ZNF536: variants seen among roughly 807,000 people sequenced by gnomAD.
ZNF536 encodes the protein zinc finger protein 536.
Under a neutral mutation model 84.5 loss-of-function variants are expected in ZNF536, and 13 were observed. The observed-to-expected ratio is 0.15, with a 90% CI of 0.10 to 0.24. The LOEUF is 0.24. ZNF536 is among the 10% of genes least tolerant of loss of function. The pLI is 1.00. For synonymous variants in ZNF536, 811 were observed against 742.5 expected, an observed-to-expected ratio of 1.09 and a Z score of -1.50; for missense variants, 1,536 against 1,747.5, an observed-to-expected ratio of 0.88 and a Z score of 2.16.
rs1416161837 is a variant in ZNF536, at chr19:30,704,129, C to T, written c.170-6628C>T. ...GCAAGTTCAACTTGGGAGAGGCTATCGCCTTGATGCTCTCTCCAATGGGGA... is the reference window on the plus strand; with the variant it reads ...GCAAGTTCAACTTGGGAGAGGCTATTGCCTTGATGCTCTCTCCAATGGGGA... On this transcript the variant is annotated intron_variant, in intron 1 of 1. Coordinates refer to the ZNF536 transcript ENST00000592773. 1.4e-4 allele frequency among the ~76,000 whole-genome samples: 22 copies of T among 152,294 alleles called. 1 individual carries two copies. In the East Asian group the frequency reaches 4.1e-3, roughly 28 times the overall value.
At chr19:30,606,553 G>T (rs987020012) in intron 1 of ZNF536, among the ~76,000 whole-genome samples, 2 of 152,156 alleles carry the variant, frequency 1.3e-5, no homozygotes, top group Non-Finnish European at 2.9e-5. Flanking sequence ...CCGTTGGGAG[G>T]CCACTTCACC....
intron 1 of ZNF536, among the ~76,000 whole-genome samples, chr19:30,236,538 G>T (rs993484390): frequency 2.0e-5 from 3 of 150,500 alleles, no homozygotes; most frequent in Non-Finnish European, 4.4e-5. Context: ...GCGGGGGGGG[G>T]GTACAATTGG....
intron 1 of ZNF536, among the ~76,000 whole-genome samples, chr19:30,567,580 C>G (rs566370338): frequency 6.6e-6 from 1 of 152,306 alleles, no homozygotes; most frequent in South Asian, 2.1e-4. Flanking sequence ...CCCGAGGAAA[C>G]CTGACCCCCA....
intron 2 of ZNF536, among the ~76,000 whole-genome samples, chr19:30,301,418 G>A (rs559635113): frequency 1.3e-5 from 2 of 152,140 alleles, no homozygotes; most frequent in Admixed American, 1.3e-4. Context: ...GGATGCCCTG[G>A]GTCCCTTCTG....
At position 30,549,177 on chromosome 19, in the gene ZNF536, A is replaced by G. The variant is rs753894562; in HGVS notation, c.3558A>G (p.Glu1186=). ...ENNDEEDVET[E]PEMMTKPLSA... Reference sequence around the variant, plus strand: ...ACGATGAAGAGGATGTTGAAACCGAACCGGAAATGATGACCAAGCCACTGT... The same window carrying G: ...ACGATGAAGAGGATGTTGAAACCGAGCCGGAAATGATGACCAAGCCACTGT... The change falls in exon 4 of 5, where the codon GAA becomes GAG. Residue 1186 remains glutamate (E), a synonymous_variant. Coordinates refer to ENST00000355537, the MANE Select transcript of ZNF536 (RefSeq NM_014717.3). 65 of 1,613,790 alleles carry G rather than the reference A, an allele frequency of 4.0e-5. No homozygotes were observed. The highest frequency in any genetic ancestry group is 1.1e-5 in the South Asian group (1 of 91,086).
At chr19:30,479,365 C>T (rs1314412899) in intron 2 of ZNF536, among the ~76,000 whole-genome samples, 1 of 152,156 alleles carries the variant, frequency 6.6e-6, no homozygotes, top group Admixed American at 6.5e-5. Context: ...GTCCAAATTC[C>T]ACCGGCTGAA....
At chr19:30,294,551 G>A (rs12462258) in intron 2 of ZNF536, among the ~76,000 whole-genome samples, 6 of 59,694 alleles carry the variant, frequency 1.0e-4, no homozygotes, top group East Asian at 1.0e-3. Flanking sequence ...GCCCCAATAT[G>A]TGTGTGTGTG....
chr19:30,444,863 T>C lies in ZNF536; in HGVS notation c.1301T>C (p.Leu434Pro), dbSNP rs1298121928. The C allele has an allele frequency of 6.2e-7, 1 of 1,613,352 alleles. No homozygotes were observed. The highest frequency in any genetic ancestry group is 8.5e-7 in the Non-Finnish European group (1 of 1,179,864). ...CTGTACTCCAGGTACCTCTCCTGCC[T>C]GCAGAGTGGCTTCATGACCCCGGAC... ...ANLYSRYLSC[L>P]QSGFMTPDKA... is the part of the protein sequence containing the mutation. Residue 434 changes from leucine (L) to proline (P), a missense_variant, in exon 2 of 5, where the codon CTG becomes CCG. Around this residue, in one of 8 missense-constraint regions of ZNF536, gnomAD observed 366 missense variants for 364.4 expected, o/e 1.00. Coordinates refer to ENST00000355537, the MANE Select transcript of ZNF536 (RefSeq NM_014717.3).
At chr19:30,502,542 G>A (rs540182866) in intron 2 of ZNF536, among the ~76,000 whole-genome samples, 3 of 152,194 alleles carry the variant, frequency 2.0e-5, no homozygotes, top group South Asian at 2.1e-4. Flanking sequence ...GCAGCCAGGG[G>A]GCTAATGGGA....
At chr19:30,517,211 A>C (rs981543004) in intron 2 of ZNF536, among the ~76,000 whole-genome samples, 13 of 152,236 alleles carry the variant, frequency 8.5e-5, no homozygotes, top group African/African-American at 2.7e-4. Context: ...TCTTCCTCTG[A>C]GTACCTGACC....
At chr19:30,682,601 C>T (rs999352001) in intron 1 of ZNF536, among the ~76,000 whole-genome samples, 1 of 152,196 alleles carries the variant, frequency 6.6e-6, no homozygotes, top group African/African-American at 2.4e-5. Flanking sequence ...TATTAAGTAA[C>T]GTTGGCAGGG....
chr19:30,526,648 C>G lies in ZNF536; in HGVS notation c.2171-8199C>G, dbSNP rs939934339. ...CTGAGGCAGGAGAATGGCGTGAACCCGGGAGGCGGAGCTTGCAGTGAGCCG... is the reference window on the plus strand; with the variant it reads ...CTGAGGCAGGAGAATGGCGTGAACCGGGGAGGCGGAGCTTGCAGTGAGCCG... On this transcript the variant is annotated intron_variant, in intron 2 of 4. Transcript: ENST00000355537. Among the ~76,000 whole-genome samples, 63 of 122,524 alleles carry G rather than the reference C, an allele frequency of 5.1e-4. 3 individuals carry two copies. Among genetic ancestry groups the G allele is most frequent in the African/African-American group, 1.6e-3 (60 of 38,126 alleles). 80.4% of individuals were successfully genotyped at this position (122,524 alleles called of 152,430 possible). A position where few individuals can be genotyped will look rare whatever the true frequency, so the allele number is the denominator to read the frequency against.
intron 1 of ZNF536, among the ~76,000 whole-genome samples, chr19:30,585,877 C>T (rs922327224): frequency 2.0e-5 from 3 of 152,204 alleles, no homozygotes; most frequent in Admixed American, 6.5e-5. Context: ...CTTTCATTGT[C>T]TGTACCACAT....
intron 2 of ZNF536, among the ~76,000 whole-genome samples, chr19:30,289,158 G>C (rs1415491173): frequency 2.0e-5 from 3 of 152,090 alleles, no homozygotes; most frequent in Non-Finnish European, 2.9e-5. Flanking sequence ...ATGGTGGGTG[G>C]GTGGGGACAG....
intron 2 of ZNF536, among the ~76,000 whole-genome samples, chr19:30,459,253 C>T (rs1271658658): frequency 1.3e-5 from 2 of 151,152 alleles, no homozygotes; most frequent in African/African-American, 4.9e-5. Flanking sequence ...TTTTTTTTAC[C>T]CCATTGAATG....
intron 1 of ZNF536, among the ~76,000 whole-genome samples, chr19:30,376,425 T>G (rs1057422666): frequency 6.6e-6 from 1 of 152,138 alleles, no homozygotes; most frequent in Admixed American, 6.5e-5. Flanking sequence ...TGCCTCCCAC[T>G]ACTTATACCA....
chr19:30,532,961 T>C (rs1408954840), intron 2 of ZNF536, among the ~76,000 whole-genome samples: 2 of 152,204 alleles, frequency 1.3e-5, no homozygotes, highest in Non-Finnish European at 2.9e-5. Context: ...ATCTAGGGCT[T>C]GGTGGAGTGA....
intron 2 of ZNF536, among the ~76,000 whole-genome samples, chr19:30,316,442 C>T (rs1281210958): frequency 6.6e-6 from 1 of 152,152 alleles, no homozygotes; most frequent in Non-Finnish European, 1.5e-5. Context: ...ATATGTTTTC[C>T]TATTTTTCTA....
intron 1 of ZNF536, among the ~76,000 whole-genome samples, chr19:30,619,867 A>G (rs949923442): frequency 1.2e-4 from 18 of 152,332 alleles, no homozygotes; most frequent in African/African-American, 3.8e-4. Flanking sequence ...ACGGAAGCCA[A>G]TAGGTGCCAG....
Sources: allele counts gnomAD v4.1 joint callset (sites outside exome capture counted in the v4.1 genomes callset), GRCh38; gene constraint gnomAD v4.1.1; regional missense constraint gnomAD v4.1.1; transcripts MANE v1.5; gene names NCBI Gene and HGNC (gene_info 2026-07-23, HGNC 2026-07-21).